TENM4: variants seen among roughly 807,000 people sequenced by gnomAD.
TENM4 encodes teneurin transmembrane protein 4.
TENM4 carries 82 observed loss-of-function variants against 243.3 expected under a neutral mutation model. The ratio of observed to expected loss-of-function variants is 0.34; its 90% CI spans 0.28 to 0.40. The LOEUF (loss-of-function observed/expected upper bound fraction) is 0.40. Among genes scored for constraint, TENM4 ranks in the 10% least tolerant of loss-of-function variants. TENM4 has a pLI of 1.00. For synonymous variants in TENM4, 1,412 were observed against 1,456.3 expected, an observed-to-expected ratio of 0.97 and a Z score of 0.69; for missense variants, 3,138 against 3,673.3, an observed-to-expected ratio of 0.85 and a Z score of 3.77.
intron 2 of TENM4, among the ~76,000 whole-genome samples, chr11:79,280,542 C>A (rs951061851): frequency 2.0e-5 from 3 of 152,184 alleles, no homozygotes; most frequent in African/African-American, 7.2e-5. Context: ...CGAGCCGGAG[C>A]ACAGACTATA....
At chr11:79,169,410 G>A (rs557720050) in intron 3 of TENM4, among the ~76,000 whole-genome samples, 10 of 152,212 alleles carry the variant, frequency 6.6e-5, no homozygotes, top group South Asian at 6.2e-4. Context: ...GGGAGGCTAC[G>A]CAACCTGTCT....
chr11:79,177,021 C>G (rs547195349), intron 3 of TENM4, among the ~76,000 whole-genome samples: 1 of 152,212 alleles, frequency 6.6e-6, no homozygotes, highest in African/African-American at 2.4e-5. Context: ...CTAACCATAC[C>G]CCTGACAGAC....
At chr11:78,876,529 G>T (rs1249022470) in intron 9 of TENM4, among the ~76,000 whole-genome samples, 1 of 152,154 alleles carries the variant, frequency 6.6e-6, no homozygotes, top group African/African-American at 2.4e-5. Flanking sequence ...TATCTTACTT[G>T]ATTTACAAGC....
intron 6 of TENM4, among the ~76,000 whole-genome samples, chr11:78,907,686 C>G (rs1489008032): frequency 6.6e-6 from 1 of 152,148 alleles, no homozygotes; most frequent in Non-Finnish European, 1.5e-5. Flanking sequence ...AGAGCTGTGC[C>G]TGATGCATGG....
chr11:78,742,933 A>G (rs1168069944), intron 19 of TENM4, among the ~76,000 whole-genome samples: 1 of 152,190 alleles, frequency 6.6e-6, no homozygotes, highest in Non-Finnish European at 1.5e-5. Context: ...TCTGGGAACT[A>G]ACTGTATGAT....
intron 6 of TENM4, among the ~76,000 whole-genome samples, chr11:79,043,712 A>G (rs1362167158): frequency 6.6e-6 from 1 of 152,224 alleles, no homozygotes; most frequent in Non-Finnish European, 1.5e-5. Context: ...ACATCTGATG[A>G]ATGAATGAAT....
At chr11:79,075,001 A>G (rs1392549564) in intron 4 of TENM4, among the ~76,000 whole-genome samples, 3 of 152,210 alleles carry the variant, frequency 2.0e-5, no homozygotes, top group Non-Finnish European at 2.9e-5. Flanking sequence ...CCTCTAAGCC[A>G]TCTAGAGTGA....
At chr11:79,079,020 C>T (rs533982574) in intron 4 of TENM4, among the ~76,000 whole-genome samples, 1 of 152,320 alleles carries the variant, frequency 6.6e-6, no homozygotes, top group South Asian at 2.1e-4. Flanking sequence ...ATTAATTCTT[C>T]TGTTGAACTG....
rs1857833578 is a variant in TENM4, at chr11:78,654,105, T to C, written c.*3953A>G. On this transcript the variant is annotated 3_prime_UTR_variant, in exon 34 of 34. Transcript: ENST00000278550. ...CTAGCTGGGAATGATGTGCCTTAAA[T>C]AGAGAGGTTTTCATTCTAACAAGGA... The C allele has an allele frequency of 6.6e-6, 1 of 152,148 alleles. No homozygotes were observed. The highest frequency in any genetic ancestry group is 2.4e-5 in the African/African-American group (1 of 41,420). 9.4% of individuals were successfully genotyped at this position (152,148 alleles called of 1,614,324 possible).
intron 1 of TENM4, among the ~76,000 whole-genome samples, chr11:79,357,288 A>G (rs750453390): frequency 9.2e-5 from 14 of 152,228 alleles, no homozygotes; most frequent in Non-Finnish European, 1.3e-4. Context: ...GTTGTCCCCA[A>G]AGATGCCTGT....
At chr11:78,760,909 G>C (rs894534607) in intron 18 of TENM4, among the ~76,000 whole-genome samples, 2 of 151,776 alleles carry the variant, frequency 1.3e-5, no homozygotes, top group African/African-American at 4.8e-5. Context: ...TTTGTTCTTC[G>C]GGTCATAAAT....
At chr11:79,410,115 A>G (rs751038226) in intron 1 of TENM4, among the ~76,000 whole-genome samples, 1 of 152,218 alleles carries the variant, frequency 6.6e-6, no homozygotes, top group Non-Finnish European at 1.5e-5. Context: ...ATTCAAAACC[A>G]TTCTGGGCTT....
chr11:78,848,623 C>T (rs965503687), intron 12 of TENM4, among the ~76,000 whole-genome samples: 1 of 152,196 alleles, frequency 6.6e-6, no homozygotes, highest in African/African-American at 2.4e-5. Flanking sequence ...CACCTTCCTT[C>T]AACCCTCATG....
At chr11:78,806,594 G>C (rs149966913) in intron 14 of TENM4, among the ~76,000 whole-genome samples, 2 of 152,198 alleles carry the variant, frequency 1.3e-5, no homozygotes, top group South Asian at 4.1e-4. Flanking sequence ...GTGAGATACA[G>C]ATGAGGAAAC....
Position 79,104,569 on chromosome 11 carries a change from C to T in TENM4, c.-65-34560G>A, listed in dbSNP as rs567309941. On this transcript the variant is annotated intron_variant, in intron 4 of 33. Transcript: ENST00000278550. Reference sequence around the variant, plus strand: ...TGGTTTTAAAGGAGGCATGCTATTTCCCCATATGGAGTAACCCTCATTGAT... The same window carrying T: ...TGGTTTTAAAGGAGGCATGCTATTTTCCCATATGGAGTAACCCTCATTGAT... Among the ~76,000 whole-genome samples the T allele has an allele frequency of 7.2e-5, 11 of 152,276 alleles. No individual in the cohort carries two copies. In the East Asian group the frequency reaches 1.3e-3, roughly 19 times the overall value.
chr11:78,919,119 A>G lies in TENM4; in HGVS notation c.494-15596T>C, dbSNP rs568777671. 6.6e-5 allele frequency among the ~76,000 whole-genome samples: 10 copies of G among 152,328 alleles called. No individual in the cohort carries two copies. The East Asian group carries it at 1.9e-3, about 29-fold the overall frequency. Reference sequence around the variant, plus strand: ...GTAAATCTAATCTAAATGTGTATTCACTATGTCTACAGTCCTAATGTCTAT... The same window carrying G: ...GTAAATCTAATCTAAATGTGTATTCGCTATGTCTACAGTCCTAATGTCTAT... On this transcript the variant is annotated intron_variant, in intron 6 of 33. Transcript: ENST00000278550.
chr11:79,128,397 C>A (rs536853165), intron 4 of TENM4, among the ~76,000 whole-genome samples: 5 of 152,258 alleles, frequency 3.3e-5, no homozygotes, highest in Non-Finnish European at 2.9e-5. Context: ...CAGCAGCATT[C>A]CATCATCAAA....
Position 79,064,975 on chromosome 11 carries a change from C to A in TENM4, c.256G>T (p.Glu86Ter). The change falls in exon 6 of 34, where the codon GAA (glutamate) becomes TAA (stop). Residue 86 changes from glutamate (E) to a stop codon, truncating the protein, a stop_gained. Transcript: ENST00000278550. LOFTEE classifies it high-confidence loss of function. ...GTCCCGTGAGGGGGCGTTACTTCTT[C>A]CAGCCCCAGCTCCCGCAGGGTGAAG... is the stretch of plus-strand genomic sequence containing the variant. ...ANFTLRELGLEEVTPPHGTLY... is the reference protein window; with the variant it reads ...ANFTLRELGL The A allele has an allele frequency of 6.8e-7, 1 of 1,466,736 alleles. No individual in the cohort carries two copies. The highest frequency in any genetic ancestry group is 9.1e-7 in the Non-Finnish European group (1 of 1,104,376). The allele number at this position is 1,466,736 out of a possible 1,614,324, so 90.9% of individuals were successfully genotyped here. A position where few individuals can be genotyped will look rare whatever the true frequency, so the allele number is the denominator to read the frequency against.
At chr11:79,427,789 C>T (rs1859086773) in intron 1 of TENM4, among the ~76,000 whole-genome samples, 1 of 152,176 alleles carries the variant, frequency 6.6e-6, no homozygotes, top group Admixed American at 6.5e-5. Flanking sequence ...GCCTATTCCA[C>T]AAGGTGCCAT....
Sources: allele counts gnomAD v4.1 joint callset (sites outside exome capture counted in the v4.1 genomes callset), GRCh38; gene constraint gnomAD v4.1.1; transcripts MANE v1.5; gene names NCBI Gene and HGNC (gene_info 2026-07-23, HGNC 2026-07-21).